Variants in XYLT1 observed in about 807,000 individuals in gnomAD.
XYLT1 encodes beta-D-xylosyltransferase 1.
A neutral mutation model predicts 91.3 loss-of-function variants in XYLT1; 36 were observed. That is an observed-to-expected ratio of 0.39 (90% confidence interval 0.30 to 0.52). XYLT1 has a LOEUF of 0.52. Among genes scored for constraint, XYLT1 ranks in the 20% least tolerant of loss-of-function variants. The pLI is 0.68. For synonymous variants in XYLT1, 588 were observed against 532.0 expected (o/e 1.11, Z -1.45); for missense variants, 1,242 against 1,284.5 (o/e 0.97, Z 0.51).
At chr16:17,371,394 T>C (rs1031665177) in intron 1 of XYLT1, among the ~76,000 whole-genome samples, 1 of 152,240 alleles carries the variant, frequency 6.6e-6, no homozygotes, top group African/African-American at 2.4e-5. Context: ...AGATGTATGC[T>C]GAGAACTCAG....
Position 17,138,804 on chromosome 16 carries a change from T to TATG in XYLT1, c.1588-276_1588-274dup. 2 of 351,514 alleles carry TATG rather than the reference T, an allele frequency of 5.7e-6. 1 individual carries two copies. The highest frequency in any genetic ancestry group is 1.7e-3 in the Middle Eastern group (2 of 1,172). The allele number at this position is 351,514 out of a possible 1,614,324, so 21.8% of individuals were successfully genotyped here. On this transcript the variant is annotated intron_variant, in intron 7 of 11. Transcript: ENST00000261381. ...AACTACCTGACTGTCAAGGGACTCT[T>TATG]ATGTTCTCTGCATGCATTTGAGGTC...
intron 3 of XYLT1, among the ~76,000 whole-genome samples, chr16:17,229,994 G>A (rs1046113229): frequency 2.0e-5 from 3 of 152,218 alleles, no homozygotes; most frequent in Admixed American, 6.5e-5. Flanking sequence ...GGCAGGGACT[G>A]CACTGGTGCA....
At chr16:17,173,867 C>A (rs566648446) in intron 5 of XYLT1, among the ~76,000 whole-genome samples, 1 of 152,352 alleles carries the variant, frequency 6.6e-6, no homozygotes, top group South Asian at 2.1e-4. Flanking sequence ...CTAAGTTGAG[C>A]AAAGATTTGA....
chr16:17,307,326 C>T (rs949603616), intron 2 of XYLT1, among the ~76,000 whole-genome samples: 37 of 152,180 alleles, frequency 2.4e-4, no homozygotes, highest in Non-Finnish European at 5.0e-4. Context: ...CGGCCCGCTT[C>T]GGCCTCCCAA....
At chr16:17,357,972 T>A (rs200701750) in intron 2 of XYLT1, 40 bp downstream of exon 2, 2 of 1,607,706 alleles carry the variant, frequency 1.2e-6, no homozygotes, top group Non-Finnish European at 1.7e-6. Context: ...GCTGGAATAC[T>A]AAGGCTGAGA....
At chr16:17,459,482 C>G (rs2036786873) in intron 1 of XYLT1, among the ~76,000 whole-genome samples, 1 of 152,178 alleles carries the variant, frequency 6.6e-6, no homozygotes, top group Admixed American at 6.5e-5. Flanking sequence ...CCTCCAACCA[C>G]TGGTGCATCA....
At chr16:17,311,003 A>T (rs1037596861) in intron 2 of XYLT1, among the ~76,000 whole-genome samples, 2 of 152,126 alleles carry the variant, frequency 1.3e-5, no homozygotes, top group Admixed American at 6.5e-5. Context: ...AAAAAGGTGA[A>T]CTTCCTTCTG....
chr16:17,109,993 T>C (rs1317800619), intron 11 of XYLT1, among the ~76,000 whole-genome samples: 1 of 152,210 alleles, frequency 6.6e-6, no homozygotes, highest in Non-Finnish European at 1.5e-5. Flanking sequence ...ATAACAGTGC[T>C]GCCTTGCTGG....
At chr16:17,144,596 A>C (rs1448095481) in intron 6 of XYLT1, among the ~76,000 whole-genome samples, 1 of 152,216 alleles carries the variant, frequency 6.6e-6, no homozygotes, top group Admixed American at 6.5e-5. Context: ...CAGACTCATC[A>C]GAGATCTGGG....
At chr16:17,383,642 A>G (rs8051018) in intron 1 of XYLT1, among the ~76,000 whole-genome samples, 78,630 of 151,730 alleles carry the variant, frequency 0.52, 22,401 homozygotes, top group African/African-American at 0.72. Context: ...TATGTCAAAG[A>G]AAGAGACTAG....
Position 17,447,090 on chromosome 16 carries a change from G to A in XYLT1, c.363+23344C>T, listed in dbSNP as rs1057055259. Among the ~76,000 whole-genome samples the A allele has an allele frequency of 3.3e-4, 49 of 149,014 alleles. No homozygotes were observed. In the Admixed American group the frequency reaches 3.4e-3, roughly 10 times the overall value. On this transcript the variant is annotated intron_variant, in intron 1 of 11. Coordinates refer to ENST00000261381, the MANE Select transcript of XYLT1 (RefSeq NM_022166.4). ...CAGTTAGCAGCAATCAATTATTCAC[G>A]ACCTCGCTTCCCCACCAACTCATAG...
At chr16:17,338,574 G>A in intron 2 of XYLT1, 1 of 450,344 alleles carries the variant, frequency 2.2e-6, no homozygotes, top group Non-Finnish European at 4.5e-6. Flanking sequence ...TCTCTGTCGG[G>A]AATGGTCTTT....
chr16:17,234,390 G>A (rs530605436), intron 3 of XYLT1, among the ~76,000 whole-genome samples: 2 of 152,188 alleles, frequency 1.3e-5, no homozygotes, highest in Non-Finnish European at 2.9e-5. Flanking sequence ...TTGCCTTTCC[G>A]ATGAGGCTCT....
intron 1 of XYLT1, among the ~76,000 whole-genome samples, chr16:17,439,695 G>C (rs2036508562): frequency 6.6e-6 from 1 of 152,160 alleles, no homozygotes; most frequent in African/African-American, 2.4e-5. Flanking sequence ...TTGTTAAAAA[G>C]GGAAACTGAC....
At chr16:17,277,205 T>TAAA (rs2033990172) in intron 2 of XYLT1, among the ~76,000 whole-genome samples, 1 of 152,198 alleles carries the variant, frequency 6.6e-6, no homozygotes, top group Admixed American at 6.5e-5. Flanking sequence ...CTATTTTATT[T>TAAA]TTATAATTTC....
intron 1 of XYLT1, among the ~76,000 whole-genome samples, chr16:17,416,560 G>A (rs533501681): frequency 1.3e-5 from 2 of 152,340 alleles, no homozygotes; most frequent in African/African-American, 4.8e-5. Flanking sequence ...AGCCTGTGCA[G>A]CTAGGAGGCT....
intron 1 of XYLT1, among the ~76,000 whole-genome samples, chr16:17,399,184 A>C (rs1256021018): frequency 6.6e-6 from 1 of 152,082 alleles, no homozygotes; most frequent in African/African-American, 2.4e-5. Context: ...GGGGCAGGAG[A>C]GGGGACATAA....
chr16:17,288,714 C>G (rs935624681), intron 2 of XYLT1, among the ~76,000 whole-genome samples: 2 of 152,130 alleles, frequency 1.3e-5, no homozygotes, highest in Admixed American at 1.3e-4. Context: ...TGAGAGACCA[C>G]GTGGAGGCGA....
chr16:17,122,407 G>A (rs918168117), intron 10 of XYLT1, among the ~76,000 whole-genome samples: 2 of 152,142 alleles, frequency 1.3e-5, no homozygotes, highest in Non-Finnish European at 2.9e-5. Flanking sequence ...TTTGAGAACG[G>A]TCTATTCATG....
Sources: gnomAD v4.1 joint callset for allele counts (sites outside exome capture counted in the v4.1 genomes callset) on GRCh38, gnomAD v4.1.1 for gene constraint, MANE v1.5 for transcripts, NCBI Gene and HGNC (gene_info 2026-07-23, HGNC 2026-07-21) for gene names.